NCK2: variants seen among roughly 807,000 people sequenced by gnomAD.
NCK2 encodes cytoplasmic protein NCK2.
A neutral mutation model predicts 33.9 loss-of-function variants in NCK2; 16 were observed. That is an observed-to-expected ratio of 0.47 (90% CI 0.32 to 0.72). The LOEUF (loss-of-function observed/expected upper bound fraction) is 0.72, where lower values mean the gene tolerates loss of function less well. Ranked by LOEUF, NCK2 falls within the 30% of genes least tolerant of loss-of-function variation. NCK2 has a pLI of 0.03. For synonymous variants in NCK2, 273 were observed against 239.9 expected (o/e 1.14, Z -1.27); for missense variants, 418 against 537.3 (o/e 0.78, Z 2.19).
chr2:105,794,065 T>G lies in NCK2; in HGVS notation c.-200-22365T>G, dbSNP rs78802775. Among the ~76,000 whole-genome samples, 1,154 of 116,730 alleles carry G rather than the reference T, an allele frequency of 9.9e-3. 19 individuals are homozygous for G. Among genetic ancestry groups the G allele is most frequent in the African/African-American group, 0.03 (1,091 of 36,768 alleles). 76.6% of individuals were successfully genotyped at this position (116,730 alleles called of 152,430 possible). ...TTTCGATTTTTTTTTTTTTTTTTTT[T>G]GGAGACGGAATCTTGCTCTGTCGCC... is the stretch of plus-strand genomic sequence containing the variant. On this transcript the variant is annotated intron_variant, in intron 1 of 4. Transcript: ENST00000233154.
At chr2:105,792,416 G>T (rs1025055985) in intron 1 of NCK2, among the ~76,000 whole-genome samples, 1 of 152,128 alleles carries the variant, frequency 6.6e-6, no homozygotes, top group Admixed American at 6.5e-5. Flanking sequence ...GTGAATTCCA[G>T]ACATCAATTC....
At chr2:105,792,732 A>T (rs115570913) in intron 1 of NCK2, among the ~76,000 whole-genome samples, 2,851 of 152,236 alleles carry the variant, frequency 0.019, 51 homozygotes, top group Non-Finnish European at 0.022. Context: ...GCACATCAGA[A>T]CCAGAGCCAG....
chr2:105,774,837 A>C (rs1690250842), intron 1 of NCK2, among the ~76,000 whole-genome samples: 1 of 152,102 alleles, frequency 6.6e-6, no homozygotes, highest in Non-Finnish European at 1.5e-5. Flanking sequence ...TTTTTGAGTT[A>C]TGTGTTGAAA....
At chr2:105,757,341 A>G (rs1166033950) in intron 1 of NCK2, among the ~76,000 whole-genome samples, 2 of 152,184 alleles carry the variant, frequency 1.3e-5, no homozygotes, top group African/African-American at 2.4e-5. Context: ...GAGATGGGAC[A>G]GGTCCTTGAT....
intron 2 of NCK2, among the ~76,000 whole-genome samples, chr2:105,832,947 G>A (rs1462531896): frequency 2.0e-5 from 3 of 146,928 alleles, no homozygotes; most frequent in Non-Finnish European, 4.5e-5. Flanking sequence ...TTATAAGTTT[G>A]GAAAAATTCA....
intron 1 of NCK2, among the ~76,000 whole-genome samples, chr2:105,750,583 G>A (rs1456858007): frequency 6.6e-6 from 1 of 152,170 alleles, no homozygotes; most frequent in African/African-American, 2.4e-5. Context: ...AGGAGGGAAC[G>A]TCAGCTCTTT....
In NCK2 at chr2:105,892,965, TTC is replaced by T. The variant is rs1201098713; in HGVS notation, c.949-15_949-14del. 6 of 1,597,590 alleles carry T rather than the reference TTC, an allele frequency of 3.8e-6. No homozygotes were observed. The highest frequency in any genetic ancestry group is 5.1e-6 in the Non-Finnish European group (6 of 1,167,396). On this transcript the variant is annotated splice_polypyrimidine_tract_variant and intron_variant, in intron 4 of 4. Coordinates refer to ENST00000233154, the MANE Select transcript of NCK2 (RefSeq NM_003581.5). ...CCGCTGTGGCCCGGCTGTAACTGTG[TTC>T]TGTTTCCTCCCCAGCCCAGCGACTT... is the stretch of plus-strand genomic sequence containing the variant.
chr2:105,840,801 A>G (rs983732333), intron 2 of NCK2, among the ~76,000 whole-genome samples: 6 of 152,254 alleles, frequency 3.9e-5, no homozygotes, highest in African/African-American at 1.4e-4. Flanking sequence ...TGCTTATGCA[A>G]AAGGGTGGCT....
intron 4 of NCK2, among the ~76,000 whole-genome samples, chr2:105,889,676 C>T (rs6543348): frequency 0.2 from 30,905 of 151,354 alleles, 3,892 homozygotes; most frequent in Admixed American, 0.32. Flanking sequence ...CTTGACCTCC[C>T]GGGCTCAAGT....
chr2:105,839,323 G>A (rs144515681), intron 2 of NCK2, among the ~76,000 whole-genome samples: 11 of 152,298 alleles, frequency 7.2e-5, no homozygotes, highest in Middle Eastern at 6.8e-3. Context: ...TCCCCAAAGC[G>A]AGTGCCAGGA....
At chr2:105,771,884 G>A (rs546132919) in intron 1 of NCK2, among the ~76,000 whole-genome samples, 28 of 152,200 alleles carry the variant, frequency 1.8e-4, no homozygotes, top group Admixed American at 1.5e-3. Flanking sequence ...ATTTTTCTCC[G>A]CAGCTGTTCC....
intron 1 of NCK2, among the ~76,000 whole-genome samples, chr2:105,770,036 G>A (rs1690078496): frequency 6.6e-6 from 1 of 151,398 alleles, no homozygotes; most frequent in South Asian, 2.1e-4. Context: ...AGAGTACAGT[G>A]AGTCAAACCA....
intron 1 of NCK2, among the ~76,000 whole-genome samples, chr2:105,795,990 A>T (rs183727209): frequency 6.6e-6 from 1 of 152,266 alleles, no homozygotes; most frequent in Non-Finnish European, 1.5e-5. Flanking sequence ...AAAAAGAGCA[A>T]AACAGTTTAG....
In NCK2 at chr2:105,881,473, C is replaced by A. The variant is rs113420409; in HGVS notation, c.372C>A (p.Ala124=). ...IPAFVKFAYV[A]EREDELSLVK... ...CCTTCGTCAAGTTCGCCTATGTGGCCGAGCGGGAGGATGAGTTGTCCCTGG... is the reference window on the plus strand; with the variant it reads ...CCTTCGTCAAGTTCGCCTATGTGGCAGAGCGGGAGGATGAGTTGTCCCTGG... Residue 124 remains alanine, a synonymous_variant, in exon 4 of 5, where the codon GCC becomes GCA. Coordinates refer to ENST00000233154, the MANE Select transcript of NCK2 (RefSeq NM_003581.5). The A allele has an allele frequency of 5.5e-4, 894 of 1,613,916 alleles. 3 individuals are homozygous for A. In the African/African-American group the frequency reaches 0.01, roughly 19 times the overall value.
intron 1 of NCK2, among the ~76,000 whole-genome samples, chr2:105,792,900 T>G (rs904957319): frequency 6.6e-6 from 1 of 152,210 alleles, no homozygotes; most frequent in Non-Finnish European, 1.5e-5. Context: ...CTTCTGCACT[T>G]GCTAGCCAGG....
intron 1 of NCK2, among the ~76,000 whole-genome samples, chr2:105,781,167 A>G (rs1897169): frequency 0.47 from 70,728 of 149,440 alleles, 17,497 homozygotes; most frequent in African/African-American, 0.63. Context: ...CCCATTTCCT[A>G]GAGGTGCCTT....
chr2:105,790,308 T>G (rs1197201316), intron 1 of NCK2, among the ~76,000 whole-genome samples: 4 of 152,252 alleles, frequency 2.6e-5, no homozygotes, highest in Non-Finnish European at 5.9e-5. Flanking sequence ...CATCTATTTT[T>G]AGCAGATCTT....
At position 105,869,019 on chromosome 2, in the gene NCK2, C is replaced by T. The variant is rs548402307; in HGVS notation, c.227-12309C>T. The stretch of plus-strand genomic sequence containing the variant: ...CCCAGGCGCTCCAGAGCACTTATGT[C>T]TCAGTAACGTTTGTTTGTCCAAAGC... On this transcript the variant is annotated intron_variant, in intron 3 of 4. Coordinates refer to ENST00000233154, the MANE Select transcript of NCK2 (RefSeq NM_003581.5). 2.6e-5 allele frequency among the ~76,000 whole-genome samples: 4 copies of T among 152,284 alleles called. No individual in the cohort carries two copies. The South Asian group carries it at 8.3e-4, about 32-fold the overall frequency.
chr2:105,797,723 G>A (rs775810979), intron 1 of NCK2, among the ~76,000 whole-genome samples: 4 of 152,168 alleles, frequency 2.6e-5, no homozygotes, highest in Non-Finnish European at 5.9e-5. Flanking sequence ...AAAGTCTTTC[G>A]TAACCATGAT....
Sources: allele counts gnomAD v4.1 joint callset (sites outside exome capture counted in the v4.1 genomes callset), GRCh38; gene constraint gnomAD v4.1.1; transcripts MANE v1.5; gene names NCBI Gene and HGNC (gene_info 2026-07-23, HGNC 2026-07-21).